The following COCH variants were observed in gnomAD, a reference collection of about 807,000 sequenced individuals.
COCH encodes the protein coagulation factor C homolog, cochlin (Limulus polyphemus).
Under a neutral mutation model 54.8 loss-of-function variants are expected in COCH, and 40 were observed. That is an observed-to-expected ratio of 0.73 (90% CI 0.57 to 0.95). The LOEUF is 0.95. Among genes scored for constraint, COCH ranks in the 40% least tolerant of loss-of-function variants. The probability of loss-of-function intolerance (pLI) is 0.00; values close to 1 mark genes in which losing one functional copy is unlikely to be tolerated. For missense variants in COCH, 605 were observed against 675.0 expected, an observed-to-expected ratio of 0.90 and a Z score of 1.15; for synonymous variants, 256 against 237.9, an observed-to-expected ratio of 1.08 and a Z score of -0.70.
chr14:30,877,503 G>A lies in COCH; in HGVS notation c.83-69G>A. 2 of 1,581,072 alleles carry A rather than the reference G, an allele frequency of 1.3e-6. No homozygotes were observed. Among genetic ancestry groups the A allele is most frequent in the East Asian group, 2.2e-5 (1 of 44,726 alleles). On this transcript the variant is annotated intron_variant, in intron 3 of 11. Transcript: ENST00000396618. This position sits in a 1 kb window ranked among gnomAD's most constrained non-coding sequence, Gnocchi z 8.6. ...GGAAGTAAAACTTAAATCTCACACT[G>A]TAGTCTCCCCACCACTATGCCCCAA...
At chr14:30,882,131 T>TG (rs948354607) in intron 8 of COCH, among the ~76,000 whole-genome samples, 1 of 117,184 alleles carries the variant, frequency 8.5e-6, no homozygotes. Context: ...TTTTTTTTTT[T>TG]TTTTTTTTTT....
In COCH at chr14:30,875,077, CG is replaced by C; in HGVS notation, c.60del (p.Ala22ArgfsTer44). ...LGLGVCLLLL[P>X]GPAGSEGAAP... ...GCAGGTGTGTGTCTGCTGCTGCTGCCGGGGCCCGCGGGCAGCGAGGGAGCCG... is the reference window on the plus strand; with the variant it reads ...GCAGGTGTGTGTCTGCTGCTGCTGCCGGGCCCGCGGGCAGCGAGGGAGCCG... On this transcript the variant is annotated frameshift_variant, in exon 3 of 12. Transcript: ENST00000396618. LOFTEE classifies it high-confidence loss of function. The C allele has an allele frequency of 6.3e-7, 1 of 1,591,014 alleles. No individual in the cohort carries two copies.
chr14:30,874,616 C>T lies in COCH; in HGVS notation c.-24+25C>T, dbSNP rs577631884. 112 of 511,688 alleles carry T rather than the reference C, an allele frequency of 2.2e-4. 2 individuals carry two copies. The South Asian group carries it at 2.2e-3, about 10-fold the overall frequency. The allele number at this position is 511,688 out of a possible 1,614,324, so 31.7% of individuals were successfully genotyped here. ...GGTGCGGAGCCCCGGGCGGCGGGCG[C>T]GGGTGCGAGGGATCCCTGACGCCTC... On this transcript the variant is annotated intron_variant, in intron 1 of 11. Coordinates refer to ENST00000396618, the MANE Select transcript of COCH (RefSeq NM_004086.3).
At chr14:30,893,177 ACG>A (rs557553423), downstream of COCH, among the ~76,000 whole-genome samples, 974 of 123,098 alleles carry the variant, frequency 7.9e-3, 7 homozygotes, top group Middle Eastern at 0.031. Context: ...TTTTTTTGAG[ACG>A]GAGTCTCTGT....
intron 1 of COCH, 75 bp from the exon 2 acceptor site, chr14:30,874,841 G>A: frequency 7.2e-7 from 1 of 1,397,732 alleles, no homozygotes; most frequent in Non-Finnish European, 1.0e-6. Context: ...GGATCCGAAG[G>A]GTGCGGGGCT....
At chr14:30,895,320 G>T, downstream of COCH, 2 of 1,328,738 alleles carry the variant, frequency 1.5e-6, no homozygotes, top group Non-Finnish European at 2.0e-6. Flanking sequence ...CAGATCACAT[G>T]TAGTGTCATA....
chr14:30,889,436 T>C (rs750824386), intron 11 of COCH, 180 bp from the exon 12 acceptor site: 4 of 611,378 alleles, frequency 6.5e-6, no homozygotes, highest in Non-Finnish European at 1.2e-5. Context: ...TGGACCACTC[T>C]TTTGCCACTC....
intron 11 of COCH, among the ~76,000 whole-genome samples, chr14:30,887,462 G>A (rs1895829978): frequency 6.6e-6 from 1 of 151,732 alleles, no homozygotes; most frequent in Non-Finnish European, 1.5e-5. Context: ...ACACTCTGGT[G>A]TTATAAAAGG....
intron 8 of COCH, among the ~76,000 whole-genome samples, 200 bp downstream of exon 8, chr14:30,880,934 C>T (rs1318392660): frequency 6.6e-6 from 1 of 152,088 alleles, no homozygotes; most frequent in Non-Finnish European, 1.5e-5. Context: ...TCAAATGAGG[C>T]CGGGTGCAGT....
At chr14:30,885,655 T>A in intron 10 of COCH, 35 bp downstream of exon 10, 1 of 1,471,056 alleles carries the variant, frequency 6.8e-7, no homozygotes, top group Non-Finnish European at 9.5e-7. Context: ...GTTACAGTGA[T>A]GGGTATTCCA....
rs1448328932 is a variant in COCH, at chr14:30,878,854, C to G, written c.283C>G (p.Leu95Val). The G allele has an allele frequency of 6.2e-7, 1 of 1,614,036 alleles. No individual in the cohort carries two copies. The highest frequency in any genetic ancestry group is 8.5e-7 in the Non-Finnish European group (1 of 1,180,036). Residue 95 changes from leucine to valine, a missense_variant, in exon 5 of 12, where the codon CTA becomes GTA. Transcript: ENST00000396618. Reference protein sequence around the residue: ...NSGGPVRVYSLPGRENYSSVD... With the variant: ...NSGGPVRVYSVPGRENYSSVD... The stretch of plus-strand genomic sequence containing the variant: ...AGGGGGACCTGTACGAGTCTATAGC[C>G]TACCTGGTCGAGAAAACTATTCCTC...
chr14:30,889,282 G>T (rs1315292928), intron 11 of COCH: 1 of 275,442 alleles, frequency 3.6e-6, no homozygotes, highest in East Asian at 9.5e-5. Flanking sequence ...AAGATACTGT[G>T]GATCAGGTTA....
At chr14:30,876,466 G>A (rs1895359366) in intron 3 of COCH, 1 of 152,202 alleles carries the variant, frequency 6.6e-6, no homozygotes, top group African/African-American at 2.4e-5. Flanking sequence ...GCTGTATTCT[G>A]AAGGGATTCA....
chr14:30,885,169 C>A (rs1350146244), intron 9 of COCH: 3 of 1,204,374 alleles, frequency 2.5e-6, no homozygotes, highest in South Asian at 1.4e-5. Flanking sequence ...GGAGGGGGAA[C>A]TAATATGGCT....
At position 30,890,126 on chromosome 14, in the gene COCH, T is replaced by C; in HGVS notation, c.*335T>C. The C allele has an allele frequency of 2.0e-6, 2 of 1,016,278 alleles. No homozygotes were observed. The highest frequency in any genetic ancestry group is 2.4e-6 in the Non-Finnish European group (2 of 847,948). The allele number at this position is 1,016,278 out of a possible 1,614,324, so 63.0% of individuals were successfully genotyped here. On this transcript the variant is annotated 3_prime_UTR_variant, in exon 12 of 12. Coordinates refer to ENST00000396618, the MANE Select transcript of COCH (RefSeq NM_004086.3). ...TCCATAGCTCAATAAAAGAATCTGATACTTAGACCAAAAGCAACATTCGTT... is the reference window on the plus strand; with the variant it reads ...TCCATAGCTCAATAAAAGAATCTGACACTTAGACCAAAAGCAACATTCGTT...
chr14:30,879,375 T>C (rs906797766), intron 5 of COCH, 48 bp from the exon 6 acceptor site: 1 of 1,568,400 alleles, frequency 6.4e-7, no homozygotes, highest in Non-Finnish European at 8.8e-7. Context: ...CATAATACTT[T>C]GGTAAAGAAG....
intron 6 of COCH, among the ~76,000 whole-genome samples, chr14:30,879,773 AGGT>A (rs1259967818): frequency 6.6e-6 from 1 of 152,202 alleles, no homozygotes; most frequent in Non-Finnish European, 1.5e-5. Context: ...CCTCCTGAGT[AGGT>A]GGTACTACAG....
chr14:30,889,142 C>T (rs1895894700), intron 11 of COCH: 1 of 158,368 alleles, frequency 6.3e-6, no homozygotes, highest in Non-Finnish European at 1.4e-5. Flanking sequence ...TTGCTATTTA[C>T]TTATCCCATC....
At chr14:30,879,060 C>A in intron 5 of COCH, 116 bp downstream of exon 5, 1 of 1,443,246 alleles carries the variant, frequency 6.9e-7, no homozygotes. Context: ...AAGACTAAAG[C>A]TGACCTATAG....
Sources: allele counts gnomAD v4.1 joint callset (sites outside exome capture counted in the v4.1 genomes callset), GRCh38; gene constraint gnomAD v4.1.1; non-coding constraint Gnocchi (gnomAD v3.1); transcripts MANE v1.5; gene names NCBI Gene and HGNC (gene_info 2026-07-23, HGNC 2026-07-21).